Variants in KCNQ5 observed in about 807,000 individuals in gnomAD.
The protein encoded by KCNQ5 is potassium voltage-gated channel subfamily KQT member 5.
Under a neutral mutation model 98.2 loss-of-function variants are expected in KCNQ5, and 30 were observed. The ratio of observed to expected loss-of-function variants is 0.31; its 90% CI spans 0.23 to 0.41. The LOEUF (loss-of-function observed/expected upper bound fraction) is 0.41, where lower values mean the gene tolerates loss of function less well. Ranked by LOEUF, KCNQ5 falls within the 10% of genes least tolerant of loss-of-function variation. The pLI is 1.00. For missense variants in KCNQ5, 835 were observed against 1,182.5 expected, an observed-to-expected ratio of 0.71 and a Z score of 4.31; for synonymous variants, 458 against 449.4, an observed-to-expected ratio of 1.02 and a Z score of -0.24.
rs200062164 is a variant in KCNQ5 at position 73,192,556 on chromosome 6, C to T, written c.1710-9C>T. 31 of 1,602,182 alleles carry T rather than the reference C, an allele frequency of 1.9e-5. No individual in the cohort carries two copies. Among genetic ancestry groups the T allele is most frequent in the Non-Finnish European group, 2.4e-5 (28 of 1,174,352 alleles). On this transcript the variant is annotated splice_polypyrimidine_tract_variant and intron_variant, in intron 12 of 13. Coordinates refer to ENST00000370398, the MANE Select transcript of KCNQ5 (RefSeq NM_019842.4). ...GCCCTCATAATCAGATCTCCTCTTT[C>T]TCTGATAGTGTTGATCAAATTCTTG...
chr6:72,898,627 A>G (rs1051329316), intron 1 of KCNQ5, among the ~76,000 whole-genome samples: 23 of 152,190 alleles, frequency 1.5e-4, no homozygotes, highest in African/African-American at 4.8e-4. Flanking sequence ...TAGTGCTGCA[A>G]TAAACGTAAG....
intron 6 of KCNQ5, among the ~76,000 whole-genome samples, chr6:73,106,086 C>T (rs950637771): frequency 1.3e-5 from 2 of 152,130 alleles, no homozygotes; most frequent in African/African-American, 2.4e-5. Flanking sequence ...AGGGTTAACG[C>T]GGTGGGAGCA....
At chr6:73,133,372 G>A in intron 9 of KCNQ5, 49 bp from the exon 10 acceptor site, 1 of 1,537,010 alleles carries the variant, frequency 6.5e-7, no homozygotes, top group Non-Finnish European at 9.0e-7. Flanking sequence ...CCCAAGCAAA[G>A]TGGAAGAAAT....
intron 1 of KCNQ5, among the ~76,000 whole-genome samples, chr6:72,787,020 A>G (rs1299093897): frequency 6.6e-6 from 1 of 151,016 alleles, no homozygotes; most frequent in East Asian, 1.9e-4. Context: ...AAAAAAAAAA[A>G]AAAAAAAAAG....
At chr6:72,720,219 C>T (rs1227882543) in intron 1 of KCNQ5, among the ~76,000 whole-genome samples, 2 of 152,196 alleles carry the variant, frequency 1.3e-5, no homozygotes, top group Non-Finnish European at 2.9e-5. Flanking sequence ...TATAAGTGCA[C>T]AGTCCACTTA....
chr6:73,028,303 C>T (rs151195468), intron 2 of KCNQ5, among the ~76,000 whole-genome samples: 61 of 152,208 alleles, frequency 4.0e-4, no homozygotes, highest in East Asian at 3.5e-3. Flanking sequence ...GAGAGCATTT[C>T]CTCCCTCGAG....
chr6:72,830,201 A>C (rs1776187164), intron 1 of KCNQ5, among the ~76,000 whole-genome samples: 1 of 152,142 alleles, frequency 6.6e-6, no homozygotes, highest in Non-Finnish European at 1.5e-5. Context: ...TCAAGCTACC[A>C]ATGACTTTCT....
At chr6:72,884,310 A>G (rs1778768523) in intron 1 of KCNQ5, among the ~76,000 whole-genome samples, 1 of 152,218 alleles carries the variant, frequency 6.6e-6, no homozygotes, top group Non-Finnish European at 1.5e-5. Flanking sequence ...TGGTTTTTAT[A>G]GACTCTTGAA....
chr6:73,130,311 A>G (rs1776176959), intron 9 of KCNQ5, among the ~76,000 whole-genome samples: 1 of 152,214 alleles, frequency 6.6e-6, no homozygotes, highest in South Asian at 2.1e-4. Context: ...AACAGCCGGT[A>G]GTAGACTGCA....
chr6:72,807,506 A>G (rs1237611725), intron 1 of KCNQ5, among the ~76,000 whole-genome samples: 1 of 151,986 alleles, frequency 6.6e-6, no homozygotes, highest in African/African-American at 2.4e-5. Context: ...CCTGATGATT[A>G]TTATCATTAT....
chr6:72,869,156 G>C (rs916429205), intron 1 of KCNQ5, among the ~76,000 whole-genome samples: 2 of 151,980 alleles, frequency 1.3e-5, no homozygotes, highest in Non-Finnish European at 2.9e-5. Flanking sequence ...TAAAAAGAAA[G>C]AAACAATGTC....
At chr6:72,733,259 G>A (rs1318624564) in intron 1 of KCNQ5, among the ~76,000 whole-genome samples, 2 of 151,972 alleles carry the variant, frequency 1.3e-5, no homozygotes, top group Non-Finnish European at 1.5e-5. Context: ...AGACAGAGAA[G>A]GAACCAAAAA....
chr6:72,862,339 T>A (rs1375240943), intron 1 of KCNQ5, among the ~76,000 whole-genome samples: 1 of 152,166 alleles, frequency 6.6e-6, no homozygotes. Context: ...GTTGACTAAG[T>A]GTTTTCAATC....
intron 1 of KCNQ5, among the ~76,000 whole-genome samples, chr6:72,949,428 T>A (rs1766697475): frequency 6.6e-6 from 1 of 152,186 alleles, no homozygotes; most frequent in Admixed American, 6.6e-5. Context: ...GCTGTAAATA[T>A]CCTTGTAATA....
chr6:73,135,409 T>TAAA lies in KCNQ5; in HGVS notation c.1468+1778_1468+1780dup, dbSNP rs771804999. The TAAA allele has an allele frequency of 2.1e-3, 278 of 131,478 alleles. 1 individual carries two copies. Among genetic ancestry groups the TAAA allele is most frequent in the African/African-American group, 7.0e-3 (259 of 37,096 alleles). 8.1% of individuals were successfully genotyped at this position (131,478 alleles called of 1,614,324 possible). ...GAAGGCAATAAAGGATTTTCTTTTT[T>TAAA]AAAAAAAAAAAAGCCCTCAGTTTAG... On this transcript the variant is annotated intron_variant, in intron 10 of 13. Coordinates refer to ENST00000370398, the MANE Select transcript of KCNQ5 (RefSeq NM_019842.4).
At chr6:73,006,677 T>C (rs1769828777) in intron 2 of KCNQ5, among the ~76,000 whole-genome samples, 1 of 152,070 alleles carries the variant, frequency 6.6e-6, no homozygotes, top group Non-Finnish European at 1.5e-5. Context: ...TAAAATAAAA[T>C]GTTTGCAAAA....
At position 72,812,252 on chromosome 6, in the gene KCNQ5, A is replaced by G. The variant is rs183767522; in HGVS notation, c.398+189665A>G. Among the ~76,000 whole-genome samples the G allele has an allele frequency of 1.2e-3, 182 of 152,194 alleles. 1 individual carries two copies. Among genetic ancestry groups the G allele is most frequent in the African/African-American group, 3.9e-3 (164 of 41,530 alleles). Reference sequence around the variant, plus strand: ...ACTAGTCCTGCCGACCTCCTGTCTCATCCTGTGACTAAGAATGCCTGACCT... The same window carrying G: ...ACTAGTCCTGCCGACCTCCTGTCTCGTCCTGTGACTAAGAATGCCTGACCT... On this transcript the variant is annotated intron_variant, in intron 1 of 13. Coordinates refer to ENST00000370398, the MANE Select transcript of KCNQ5 (RefSeq NM_019842.4).
In KCNQ5 at chr6:73,169,815, A is replaced by G. The variant is rs1777939462; in HGVS notation, c.1538A>G (p.Asp513Gly). The G allele has an allele frequency of 1.2e-6, 2 of 1,613,340 alleles. No individual in the cohort carries two copies. The highest frequency in any genetic ancestry group is 1.7e-6 in the Non-Finnish European group (2 of 1,179,438). ...TGCCAGTGTGATGTATCAGTGGAAG[A>G]CCTCACCCCACCACTTAAAACTGTC... ...KGCQCDVSVE[D>G]LTPPLKTVIR... The change falls in exon 11 of 14, where the codon GAC becomes GGC. Residue 513 changes from aspartate (D) to glycine (G), a missense_variant. Around this residue, in one of 10 missense-constraint regions of KCNQ5, gnomAD observed 146 missense variants for 256.7 expected, o/e 0.57. Transcript: ENST00000370398.
At chr6:72,916,322 C>G (rs576565704) in intron 1 of KCNQ5, among the ~76,000 whole-genome samples, 4 of 152,246 alleles carry the variant, frequency 2.6e-5, no homozygotes, top group African/African-American at 2.4e-5. Flanking sequence ...CAGTAACTAC[C>G]AGATATTGTG....
Sources: allele counts gnomAD v4.1 joint callset (sites outside exome capture counted in the v4.1 genomes callset), GRCh38; gene constraint gnomAD v4.1.1; regional missense constraint gnomAD v4.1.1; transcripts MANE v1.5; gene names NCBI Gene and HGNC (gene_info 2026-07-23, HGNC 2026-07-21).